PARN: variants seen among roughly 807,000 people sequenced by gnomAD.
PARN encodes poly(A)-specific ribonuclease PARN.
In PARN, 71 loss-of-function variants were observed where a neutral mutation model predicts 102.8. The observed-to-expected ratio is 0.69, with a 90% confidence interval of 0.57 to 0.84. The LOEUF (loss-of-function observed/expected upper bound fraction) is 0.84, where lower values mean the gene tolerates loss of function less well. Ranked by LOEUF, PARN falls within the 40% of genes least tolerant of loss-of-function variation. The pLI is 0.00. For synonymous variants in PARN, 261 were observed against 252.9 expected, an observed-to-expected ratio of 1.03 and a Z score of -0.30; for missense variants, 782 against 760.9, an observed-to-expected ratio of 1.03 and a Z score of -0.33.
At chr16:14,493,442 C>T (rs1964155975) in intron 21 of PARN, among the ~76,000 whole-genome samples, 1 of 152,160 alleles carries the variant, frequency 6.6e-6, no homozygotes, top group South Asian at 2.1e-4. Context: ...TCTCAAACTC[C>T]TGGGCACAAG....
intron 23 of PARN, among the ~76,000 whole-genome samples, chr16:14,445,965 T>C (rs1198568820): frequency 1.3e-5 from 2 of 152,248 alleles, no homozygotes; most frequent in Non-Finnish European, 2.9e-5. Context: ...TGGATAATGA[T>C]GACTGTCTCA....
At chr16:14,618,570 A>G (rs1972080437) in intron 5 of PARN, among the ~76,000 whole-genome samples, 1 of 151,564 alleles carries the variant, frequency 6.6e-6, no homozygotes, top group African/African-American at 2.4e-5. Context: ...CTGAGGCAGG[A>G]AAATTTCTTG....
chr16:14,474,694 T>C (rs1962940624), intron 22 of PARN, among the ~76,000 whole-genome samples: 1 of 152,172 alleles, frequency 6.6e-6, no homozygotes, highest in Admixed American at 6.5e-5. Context: ...AGGTGCTAGG[T>C]GGTGGCAGAG....
At chr16:14,513,327 C>T (rs1481301787) in intron 21 of PARN, among the ~76,000 whole-genome samples, 1 of 152,084 alleles carries the variant, frequency 6.6e-6, no homozygotes, top group Non-Finnish European at 1.5e-5. Flanking sequence ...GAACTATTTA[C>T]TATATATATT....
At chr16:14,463,840 G>GT (rs1199945523) in intron 22 of PARN, among the ~76,000 whole-genome samples, 2 of 126,844 alleles carry the variant, frequency 1.6e-5, no homozygotes, top group Non-Finnish European at 3.4e-5. Context: ...TTTTTTTTTG[G>GT]GGGGGGGGGG....
At chr16:14,495,256 G>T (rs941848206) in intron 21 of PARN, among the ~76,000 whole-genome samples, 1 of 152,112 alleles carries the variant, frequency 6.6e-6, no homozygotes, top group Non-Finnish European at 1.5e-5. Context: ...GGAGGACAAG[G>T]CGAGAGGATC....
rs1006657255 is a variant in PARN at position 14,466,197 on chromosome 16, T to C, written c.1670+16441A>G. 3.3e-5 allele frequency among the ~76,000 whole-genome samples: 5 copies of C among 152,080 alleles called. No homozygotes were observed. In the South Asian group the frequency reaches 6.2e-4, roughly 19 times the overall value. ...GCAGTAAGTACATTATTTGAGAAAA[T>C]AAATATCAAAAGAAAGAATTGAAAG... On this transcript the variant is annotated intron_variant, in intron 22 of 23. Coordinates refer to ENST00000437198, the MANE Select transcript of PARN (RefSeq NM_002582.4).
chr16:14,573,468 C>T (rs189541842), intron 18 of PARN, among the ~76,000 whole-genome samples: 15 of 152,230 alleles, frequency 9.9e-5, no homozygotes, highest in East Asian at 9.6e-4. Context: ...CAATCCTCCC[C>T]GCACCCCTTA....
intron 21 of PARN, among the ~76,000 whole-genome samples, chr16:14,529,171 G>C (rs1283405575): frequency 6.6e-6 from 1 of 152,112 alleles, no homozygotes. Flanking sequence ...GACTCTAAAG[G>C]CTTCCCCACA....
chr16:14,563,554 T>G (rs1968232544), intron 18 of PARN, among the ~76,000 whole-genome samples: 1 of 151,188 alleles, frequency 6.6e-6, no homozygotes. Flanking sequence ...GGGATACATG[T>G]GCAGGACACG....
chr16:14,621,143 C>A (rs1972271360), intron 5 of PARN, among the ~76,000 whole-genome samples: 1 of 152,150 alleles, frequency 6.6e-6, no homozygotes, highest in South Asian at 2.1e-4. Context: ...CTTTTTTAAT[C>A]CTGTCCTGAA....
chr16:14,576,788 AAGG>A (rs1184706408), intron 18 of PARN, among the ~76,000 whole-genome samples: 30 of 152,326 alleles, frequency 2.0e-4, no homozygotes, highest in African/African-American at 7.2e-4. Context: ...CCAAAAAAGC[AAGG>A]AGGACTATGG....
Position 14,482,778 on chromosome 16 carries a change from A to C in PARN, c.1530T>G (p.Ala510=), listed in dbSNP as rs767283396. ...CTTCCTGTTTTCTCCCCATATATTC[A>C]GCATAGGTTTGGATCCGATAGCTTT... The part of the protein sequence containing the change: ...YAESYRIQTY[A]EYMGRKQEEK... Residue 510 remains alanine, a synonymous_variant, in exon 22 of 24, where the codon GCT becomes GCG. Transcript: ENST00000437198. 10 of 1,613,722 alleles carry C rather than the reference A, an allele frequency of 6.2e-6. No individual in the cohort carries two copies. The South Asian group carries it at 9.9e-5, about 16-fold the overall frequency.
intron 21 of PARN, among the ~76,000 whole-genome samples, chr16:14,536,989 T>C (rs886198914): frequency 6.6e-6 from 1 of 151,722 alleles, no homozygotes; most frequent in African/African-American, 2.4e-5. Context: ...AAAGAAACAA[T>C]CAACAGAATG....
At chr16:14,512,985 G>A (rs928101254) in intron 21 of PARN, among the ~76,000 whole-genome samples, 2 of 152,146 alleles carry the variant, frequency 1.3e-5, no homozygotes, top group African/African-American at 2.4e-5. Flanking sequence ...GCAGTGGCGT[G>A]ATCTTGGCTC....
At chr16:14,614,803 G>A (rs773884816) in intron 6 of PARN, among the ~76,000 whole-genome samples, 4 of 121,586 alleles carry the variant, frequency 3.3e-5, no homozygotes, top group African/African-American at 9.4e-5. Flanking sequence ...AGCTGAGATC[G>A]CACCATTGCA....
At chr16:14,505,344 G>A (rs1259294424) in intron 21 of PARN, among the ~76,000 whole-genome samples, 5 of 152,238 alleles carry the variant, frequency 3.3e-5, no homozygotes, top group Admixed American at 6.5e-5. Flanking sequence ...GGGCACAGTG[G>A]CGCACGCCTG....
chr16:14,559,782 A>G (rs1407221734), intron 18 of PARN, among the ~76,000 whole-genome samples: 1 of 152,138 alleles, frequency 6.6e-6, no homozygotes, highest in Non-Finnish European at 1.5e-5. Context: ...CTCTTTCCCT[A>G]TACCTTCACC....
chr16:14,502,221 T>C (rs938345946), intron 21 of PARN, among the ~76,000 whole-genome samples: 2 of 152,054 alleles, frequency 1.3e-5, no homozygotes, highest in African/African-American at 4.8e-5. Context: ...GGGCAAGGGG[T>C]GGGGACGCTA....
Sources: gnomAD v4.1 joint callset for allele counts (sites outside exome capture counted in the v4.1 genomes callset) on GRCh38, gnomAD v4.1.1 for gene constraint, MANE v1.5 for transcripts, NCBI Gene and HGNC (gene_info 2026-07-23, HGNC 2026-07-21) for gene names.